Variants in CNTNAP2 observed in about 807,000 individuals in gnomAD.
The protein encoded by CNTNAP2 is contactin-associated protein-like 2.
A neutral mutation model predicts 155.2 loss-of-function variants in CNTNAP2; 98 were observed. The observed-to-expected ratio is 0.63, with a 90% CI of 0.54 to 0.75. The LOEUF is 0.75. Among genes scored for constraint, CNTNAP2 ranks in the 30% least tolerant of loss-of-function variants. The pLI, the probability that CNTNAP2 is intolerant of heterozygous loss-of-function variation, is 0.00. For missense variants in CNTNAP2, 1,727 were observed against 1,688.1 expected, an observed-to-expected ratio of 1.02 and a Z score of -0.40; for synonymous variants, 651 against 631.2, an observed-to-expected ratio of 1.03 and a Z score of -0.47.
intron 13 of CNTNAP2, among the ~76,000 whole-genome samples, chr7:147,774,778 A>C (rs1441732595): frequency 6.6e-6 from 1 of 152,140 alleles, no homozygotes; most frequent in Admixed American, 6.6e-5. Context: ...CCGTTAAGAC[A>C]CCCAGGTTGT....
chr7:146,759,479 G>T (rs1164010744), intron 1 of CNTNAP2, among the ~76,000 whole-genome samples: 1 of 152,014 alleles, frequency 6.6e-6, no homozygotes, highest in Non-Finnish European at 1.5e-5. Context: ...CAGATCGCCA[G>T]GTCAGAGATC....
At chr7:147,840,788 C>G (rs958722555) in intron 13 of CNTNAP2, among the ~76,000 whole-genome samples, 26 of 152,094 alleles carry the variant, frequency 1.7e-4, no homozygotes, top group Non-Finnish European at 3.5e-4. Context: ...CATCACATCT[C>G]TAAGACCTTG....
At chr7:147,883,256 C>A (rs1047413106) in intron 13 of CNTNAP2, among the ~76,000 whole-genome samples, 4 of 152,168 alleles carry the variant, frequency 2.6e-5, no homozygotes, top group Admixed American at 1.3e-4. Flanking sequence ...CCAAATCAAC[C>A]TGCACTACCA....
At chr7:146,174,329 C>T (rs1012868360) in intron 1 of CNTNAP2, among the ~76,000 whole-genome samples, 19 of 151,992 alleles carry the variant, frequency 1.3e-4, no homozygotes, top group African/African-American at 4.3e-4. Context: ...TTGACTCTTA[C>T]CACCTAAATT....
At chr7:147,242,130 G>A (rs1436056327) in intron 8 of CNTNAP2, among the ~76,000 whole-genome samples, 3 of 151,800 alleles carry the variant, frequency 2.0e-5, no homozygotes, top group Admixed American at 6.6e-5. Flanking sequence ...CAATGCAATC[G>A]ACTTTATCAT....
chr7:147,296,804 A>G (rs1275405042), intron 8 of CNTNAP2, among the ~76,000 whole-genome samples: 1 of 152,142 alleles, frequency 6.6e-6, no homozygotes, highest in Non-Finnish European at 1.5e-5. Context: ...TTTAATAAGG[A>G]GATTGTTACT....
chr7:148,071,447 C>G (rs1483477954), intron 15 of CNTNAP2, among the ~76,000 whole-genome samples: 2 of 152,112 alleles, frequency 1.3e-5, no homozygotes, highest in African/African-American at 4.8e-5. Flanking sequence ...CCACTGCACT[C>G]CAGCCTGGGT....
intron 8 of CNTNAP2, among the ~76,000 whole-genome samples, chr7:147,188,080 A>AAAG (rs1563108553): frequency 6.6e-6 from 1 of 151,966 alleles, no homozygotes; most frequent in South Asian, 2.1e-4. Flanking sequence ...AATAAATAAA[A>AAAG]TGAGAGAAAA....
chr7:147,198,873 T>C (rs1802862793), intron 8 of CNTNAP2, among the ~76,000 whole-genome samples: 1 of 151,920 alleles, frequency 6.6e-6, no homozygotes, highest in African/African-American at 2.4e-5. Context: ...AATGGGTGAT[T>C]GTGGATACCA....
chr7:146,154,110 G>GA (rs1027781950), intron 1 of CNTNAP2, among the ~76,000 whole-genome samples: 10 of 151,582 alleles, frequency 6.6e-5, no homozygotes, highest in Admixed American at 1.3e-4. Context: ...GACTGTGATT[G>GA]AAAAAAAAGA....
chr7:147,102,502 G>A (rs980903933), intron 4 of CNTNAP2, among the ~76,000 whole-genome samples: 2 of 152,090 alleles, frequency 1.3e-5, no homozygotes, highest in South Asian at 4.2e-4. Context: ...TGATATTGTT[G>A]TCACTGTCCT....
At chr7:148,386,843 T>C (rs545454473) in intron 22 of CNTNAP2, among the ~76,000 whole-genome samples, 1 of 151,678 alleles carries the variant, frequency 6.6e-6, no homozygotes, top group East Asian at 1.9e-4. Flanking sequence ...ACTCAGTAAG[T>C]AGTTAAAGCT....
At chr7:146,827,133 T>A (rs564674735) in intron 2 of CNTNAP2, among the ~76,000 whole-genome samples, 1 of 152,138 alleles carries the variant, frequency 6.6e-6, no homozygotes, top group East Asian at 1.9e-4. Context: ...TATAATTAAT[T>A]AATATATTCA....
chr7:146,514,371 C>A (rs1206825771), intron 1 of CNTNAP2, among the ~76,000 whole-genome samples: 1 of 151,986 alleles, frequency 6.6e-6, no homozygotes, highest in African/African-American at 2.4e-5. Context: ...CTTACATTTG[C>A]TCTTTAAAGG....
intron 13 of CNTNAP2, among the ~76,000 whole-genome samples, chr7:147,691,123 CATT>C (rs1201526335): frequency 6.6e-6 from 1 of 152,018 alleles, no homozygotes; most frequent in Non-Finnish European, 1.5e-5. Flanking sequence ...TCATAGATCA[CATT>C]AATTCAATTG....
intron 13 of CNTNAP2, among the ~76,000 whole-genome samples, chr7:147,768,321 T>C (rs879729293): frequency 2.8e-4 from 42 of 152,170 alleles, no homozygotes; most frequent in Non-Finnish European, 4.7e-4. Context: ...AAAATGAAAA[T>C]TTGTAAATCG....
At chr7:148,181,956 A>G (rs1795046511) in intron 18 of CNTNAP2, among the ~76,000 whole-genome samples, 1 of 151,218 alleles carries the variant, frequency 6.6e-6, no homozygotes, top group Non-Finnish European at 1.5e-5. Flanking sequence ...ACGGGGTTTC[A>G]CCATGTTGGC....
At chr7:147,415,210 C>A (rs1797172391) in intron 10 of CNTNAP2, among the ~76,000 whole-genome samples, 1 of 152,138 alleles carries the variant, frequency 6.6e-6, no homozygotes, top group South Asian at 2.1e-4. Context: ...CTTATTCTCC[C>A]ACCTTGGTCT....
Position 146,264,318 on chromosome 7 carries a change from G to T in CNTNAP2, c.97+147345G>T, listed in dbSNP as rs1799961844. Among the ~76,000 whole-genome samples the T allele has an allele frequency of 3.3e-5, 5 of 152,196 alleles. 1 individual carries two copies. The highest frequency in any genetic ancestry group is 2.6e-4 in the Admixed American group (4 of 15,286). On this transcript the variant is annotated intron_variant, in intron 1 of 23. Transcript: ENST00000361727. ...AAACTAAAAATTAGCTGGGCGTGGT[G>T]GCGGGCGCCTGTAATCCCAGCTCCT...
Sources: allele counts gnomAD v4.1 joint callset (sites outside exome capture counted in the v4.1 genomes callset), GRCh38; gene constraint gnomAD v4.1.1; transcripts MANE v1.5; gene names NCBI Gene and HGNC (gene_info 2026-07-23, HGNC 2026-07-21).